LAMA5: variants seen among roughly 807,000 people sequenced by gnomAD.
LAMA5 encodes the protein laminin subunit alpha-5.
Under a neutral mutation model 433.4 loss-of-function variants are expected in LAMA5, and 260 were observed. The ratio of observed to expected loss-of-function variants is 0.60; its 90% CI spans 0.54 to 0.66. The LOEUF (loss-of-function observed/expected upper bound fraction) is 0.66, where lower values mean the gene tolerates loss of function less well. LAMA5 is among the 30% of genes least tolerant of loss of function. The pLI is 0.00. For synonymous variants in LAMA5, 2,620 were observed against 2,226.6 expected (o/e 1.18, Z -4.97); for missense variants, 5,378 against 5,258.5 (o/e 1.02, Z -0.70).
In LAMA5 at chr20:62,309,792, C is replaced by T. The variant is rs746939399; in HGVS notation, c.10872G>A (p.Gln3624=). 6.2e-7 allele frequency: 1 copy of T among 1,609,872 alleles called. No homozygotes were observed. The highest frequency in any genetic ancestry group is 8.5e-7 in the Non-Finnish European group (1 of 1,179,114). ...GNVLRLEVDA[Q]SNHTVGPLLA... ...GCAAGGGGCCCACGGTGTGGTTGCT[C>T]TGCGCGTCCACCTCCAGCCGGAGCA... Residue 3624 remains glutamine, a synonymous_variant, in exon 79 of 80, where the codon CAG becomes CAA. Coordinates refer to ENST00000252999, the MANE Select transcript of LAMA5 (RefSeq NM_005560.6).
chr20:62,357,878 C>T (rs1023420406), intron 2 of LAMA5, among the ~76,000 whole-genome samples: 7 of 152,178 alleles, frequency 4.6e-5, no homozygotes, highest in South Asian at 2.1e-4. Flanking sequence ...GGACCCCAAC[C>T]ACTGCAGCCC....
In LAMA5 at chr20:62,333,128, G is replaced by T. The variant is rs766464011; in HGVS notation, c.3244C>A (p.Pro1082Thr). The T allele has an allele frequency of 6.8e-5, 101 of 1,489,306 alleles. No individual in the cohort carries two copies. In the Middle Eastern group the frequency reaches 1.8e-3, roughly 27 times the overall value. The allele number at this position is 1,489,306 out of a possible 1,614,324, so 92.3% of individuals were successfully genotyped here. The change falls in exon 26 of 80, where the codon CCG becomes ACG. Residue 1082 changes from proline to threonine, a missense_variant. Coordinates refer to ENST00000252999, the MANE Select transcript of LAMA5 (RefSeq NM_005560.6). ...PRPCPTEQLS[P>T]SHPPLITCTG... ...CAGGTGATCAGTGGCGGGTGCGACG[G>T]GCTGAGCTGCTCCGTGGGGCAGGGC... is the stretch of plus-strand genomic sequence containing the variant.
chr20:62,358,068 A>G (rs561762729), intron 2 of LAMA5, among the ~76,000 whole-genome samples: 2 of 151,974 alleles, frequency 1.3e-5, no homozygotes, highest in Non-Finnish European at 2.9e-5. Context: ...CAGACAGAAA[A>G]CAGGAAGCCT....
intron 57 of LAMA5, 105 bp downstream of exon 57, chr20:62,316,566 C>T (rs577708601): frequency 4.8e-5 from 40 of 828,232 alleles, no homozygotes; most frequent in East Asian, 1.1e-4. Context: ...AACCATGCTG[C>T]GGTGACCCAC....
chr20:62,360,170 A>G (rs1468422775), intron 2 of LAMA5, among the ~76,000 whole-genome samples: 14 of 150,916 alleles, frequency 9.3e-5, no homozygotes, highest in Admixed American at 7.9e-4. Flanking sequence ...CTAGGCCGAG[A>G]CAGGGGCCTT....
At chr20:62,334,680 C>T in intron 20 of LAMA5, 59 bp from the exon 21 acceptor site, 1 of 1,396,030 alleles carries the variant, frequency 7.2e-7, no homozygotes, top group Non-Finnish European at 9.7e-7. Context: ...CTCAGGGGCC[C>T]CTCACAGCCA....
chr20:62,310,362 C>T (rs1398322008), intron 76 of LAMA5, 51 bp from the exon 77 acceptor site: 1 of 1,567,782 alleles, frequency 6.4e-7, no homozygotes, highest in Non-Finnish European at 8.6e-7. Context: ...CTCCCCAGAA[C>T]CTCCTGGAGC....
intron 45 of LAMA5, among the ~76,000 whole-genome samples, 172 bp downstream of exon 45, chr20:62,323,284 G>T (rs539689676): frequency 1.3e-5 from 2 of 151,720 alleles, no homozygotes; most frequent in African/African-American, 2.4e-5. Flanking sequence ...CGGGAGGACC[G>T]GATCATAGCG....
chr20:62,337,029 C>A, intron 16 of LAMA5: 3 of 671,630 alleles, frequency 4.5e-6, no homozygotes, highest in Non-Finnish European at 8.2e-6. Context: ...CGTGGGGTAC[C>A]CGTGTACATT....
At chr20:62,345,437 C>T in intron 11 of LAMA5, 1 of 313,916 alleles carries the variant, frequency 3.2e-6, no homozygotes, top group Non-Finnish European at 6.2e-6. Context: ...AACAAGGTCT[C>T]ACTCTGTTGC....
Position 62,334,030 on chromosome 20 carries a change from C to T in LAMA5, c.2749G>A (p.Val917Met), listed in dbSNP as rs748742005. The T allele has an allele frequency of 5.2e-5, 84 of 1,612,184 alleles. No homozygotes were observed. The highest frequency in any genetic ancestry group is 1.3e-4 in the South Asian group (12 of 91,016). Residue 917 changes from valine to methionine, a missense_variant, in exon 23 of 80, where the codon GTG becomes ATG. Physicochemically the swap from Val to Met is conservative, Grantham distance 21 (BLOSUM62 1). Coordinates refer to ENST00000252999, the MANE Select transcript of LAMA5 (RefSeq NM_005560.6). ...AQMAPVQPRI[V>M]ARLNLTSPDL... ...GGGGAGGTCAGGTTCAGCCTGGCCA[C>T]GATCCTGGGCTGGGTGGGCATGGAG...
chr20:62,322,468 ACTG>A lies in LAMA5; in HGVS notation c.6166-22_6166-20del. On this transcript the variant is annotated intron_variant, in intron 46 of 79. Coordinates refer to ENST00000252999, the MANE Select transcript of LAMA5 (RefSeq NM_005560.6). ...GTCCCTCCTGTGGCACAGGCTGGTC[ACTG>A]CCCTGCCCAGCCCTCAAGACTGTCC... The A allele has an allele frequency of 1.3e-6, 2 of 1,561,990 alleles. No individual in the cohort carries two copies. The highest frequency in any genetic ancestry group is 1.4e-5 in the African/African-American group (1 of 73,760).
At position 62,359,428 on chromosome 20, in the gene LAMA5, G is replaced by A. The variant is rs981050872; in HGVS notation, c.450+2972C>T. Among the ~76,000 whole-genome samples, 9 of 152,012 alleles carry A rather than the reference G, an allele frequency of 5.9e-5. No homozygotes were observed. Among genetic ancestry groups the A allele is most frequent in the Non-Finnish European group, 7.4e-5 (5 of 67,996 alleles). On this transcript the variant is annotated intron_variant, in intron 2 of 79. Transcript: ENST00000252999. The surrounding 1 kb of genome is among the most constrained non-coding windows in gnomAD (Gnocchi z 4.3). ...GGTGGGGGAGCTCAAGCCAGGACCC[G>A]CTGGCCATGTGCCTGGGCAGTCATG...
intron 57 of LAMA5, 150 bp from the exon 58 acceptor site, chr20:62,316,208 T>C: frequency 1.6e-6 from 1 of 628,860 alleles, no homozygotes; most frequent in Non-Finnish European, 2.8e-6. Flanking sequence ...CCTTAGCCTG[T>C]GGGGAGGTGT....
chr20:62,346,720 C>A lies in LAMA5; in HGVS notation c.1153G>T (p.Gly385Cys). 1 of 1,613,338 alleles carries A rather than the reference C, an allele frequency of 6.2e-7. No individual in the cohort carries two copies. The highest frequency in any genetic ancestry group is 8.5e-7 in the Non-Finnish European group (1 of 1,179,924). ...DRRRASQSLDGTYQGGGVCID... is the reference protein window; with the variant it reads ...DRRRASQSLDCTYQGGGVCID... ...CAGACACCCCCACCCTGATAGGTGCCATCCAGGCTCTGGCTGGCGCGGCGC... is the reference window on the plus strand; with the variant it reads ...CAGACACCCCCACCCTGATAGGTGCAATCCAGGCTCTGGCTGGCGCGGCGC... The change falls in exon 8 of 80, where the codon GGC (glycine) becomes TGC (cysteine). Residue 385 changes from glycine to cysteine, a missense_variant. Gly to Cys is a radical substitution (Grantham distance 159). Coordinates refer to ENST00000252999, the MANE Select transcript of LAMA5 (RefSeq NM_005560.6).
Position 62,324,686 on chromosome 20 carries a change from C to T in LAMA5, c.5530-132G>A. On this transcript the variant is annotated intron_variant, in intron 41 of 79. Coordinates refer to ENST00000252999, the MANE Select transcript of LAMA5 (RefSeq NM_005560.6). This position sits in a 1 kb window ranked among gnomAD's most constrained non-coding sequence, Gnocchi z 4.4. ...GGGAACCCGTGGAGCATGGTCACCG[C>T]TGGGTCAGAGGCTGGTCAGGAACTC... 1.5e-6 allele frequency: 1 copy of T among 660,704 alleles called. No homozygotes were observed. Among genetic ancestry groups the T allele is most frequent in the Non-Finnish European group, 2.8e-6 (1 of 363,376 alleles). The allele number at this position is 660,704 out of a possible 1,614,324, so 40.9% of individuals were successfully genotyped here.
intron 79 of LAMA5, 100 bp downstream of exon 79, chr20:62,309,616 G>A (rs1985923100): frequency 3.9e-6 from 2 of 508,990 alleles, no homozygotes; most frequent in Admixed American, 4.2e-5. Context: ...GAGGAGGGTG[G>A]GAGGGGGCAG....
Position 62,336,245 on chromosome 20 carries a change from C to T in LAMA5, c.2323+95G>A, listed in dbSNP as rs1052268211. 4.5e-6 allele frequency: 4 copies of T among 893,400 alleles called. No homozygotes were observed. The African/African-American group carries it at 5.3e-5, about 12-fold the overall frequency. The allele number at this position is 893,400 out of a possible 1,614,324, so 55.3% of individuals were successfully genotyped here. ...GCACACTCACTGGCTCCAGCCCCTC[C>T]AGGAACCCTGCACCCCAACACTCCC... On this transcript the variant is annotated intron_variant, in intron 18 of 79. Transcript: ENST00000252999.
intron 6 of LAMA5, among the ~76,000 whole-genome samples, chr20:62,349,390 A>G (rs1274496303): frequency 2.0e-5 from 3 of 148,776 alleles, no homozygotes; most frequent in African/African-American, 7.8e-5. Context: ...AGTCCTGGAG[A>G]AGAAGATGAC....
Sources: allele counts gnomAD v4.1 joint callset (sites outside exome capture counted in the v4.1 genomes callset), GRCh38; gene constraint gnomAD v4.1.1; non-coding constraint Gnocchi (gnomAD v3.1); transcripts MANE v1.5; gene names NCBI Gene and HGNC (gene_info 2026-07-23, HGNC 2026-07-21).